Variants in SPG11 observed in about 807,000 individuals in gnomAD.
SPG11 encodes spatacsin.
A neutral mutation model predicts 274.0 loss-of-function variants in SPG11; 222 were observed. The ratio of observed to expected loss-of-function variants is 0.81; its 90% CI spans 0.73 to 0.91. The LOEUF (loss-of-function observed/expected upper bound fraction) is 0.91. SPG11 is among the 40% of genes least tolerant of loss of function. The probability of loss-of-function intolerance (pLI) is 0.00; values close to 1 mark genes in which losing one functional copy is unlikely to be tolerated. For synonymous variants in SPG11, 1,144 were observed against 1,039.7 expected (o/e 1.10, Z -1.93); for missense variants, 3,114 against 2,872.7 (o/e 1.08, Z -1.92).
intron 7 of SPG11, among the ~76,000 whole-genome samples, chr15:44,640,170 A>G (rs2084398877): frequency 6.6e-6 from 1 of 152,204 alleles, no homozygotes; most frequent in South Asian, 2.1e-4. Flanking sequence ...AGATCACATC[A>G]CTGCACTCCA....
chr15:44,645,124 T>C (rs1042364985), intron 7 of SPG11, among the ~76,000 whole-genome samples: 2 of 152,196 alleles, frequency 1.3e-5, no homozygotes, highest in African/African-American at 4.8e-5. Flanking sequence ...AGCGATCCTA[T>C]GCAAAAAGAA....
intron 4 of SPG11, among the ~76,000 whole-genome samples, chr15:44,656,111 CA>C (rs921458857): frequency 2.0e-5 from 3 of 151,902 alleles, no homozygotes; most frequent in Non-Finnish European, 4.4e-5. Context: ...CAAGGTCATC[CA>C]AGAAAAGTTG....
In SPG11 at chr15:44,565,990, G is replaced by T; in HGVS notation, c.6863C>A (p.Ala2288Asp). 1.2e-6 allele frequency: 2 copies of T among 1,613,840 alleles called. No individual in the cohort carries two copies. The highest frequency in any genetic ancestry group is 1.7e-6 in the Non-Finnish European group (2 of 1,180,026). Residue 2288 changes from alanine to aspartate, a missense_variant, in exon 38 of 40, where the codon GCC (alanine) becomes GAC (aspartate). Coordinates refer to ENST00000261866, the MANE Select transcript of SPG11 (RefSeq NM_025137.4). ...CTTGGTGAGCCGCTGACAGTGCTGG[G>T]CCTGTCGCACACAGGAGTCCTGAGG... ...SYAKDSCVRQ[A>D]QHCQRLTKLI...
intron 39 of SPG11, among the ~76,000 whole-genome samples, chr15:44,563,824 C>T (rs978099206): frequency 2.0e-5 from 3 of 152,172 alleles, no homozygotes; most frequent in Non-Finnish European, 2.9e-5. Context: ...GGGCTGTCAG[C>T]TCTGAAGTAC....
At chr15:44,566,139 G>T (rs2140914061) in intron 37 of SPG11, 78 bp downstream of exon 37, 4 of 1,593,662 alleles carry the variant, frequency 2.5e-6, no homozygotes, top group South Asian at 2.2e-5. Context: ...CACCTGGAAA[G>T]AGCCCAAGGA....
chr15:44,643,980 G>A (rs12591118), intron 7 of SPG11, among the ~76,000 whole-genome samples: 1,704 of 152,058 alleles, frequency 0.011, 47 homozygotes, highest in East Asian at 0.097. Flanking sequence ...TGGCTAACAC[G>A]GTGAAACCCT....
rs776092174 is a variant in SPG11 at position 44,651,678 on chromosome 15, T to C, written c.1269A>G (p.Glu423=). 9.3e-6 allele frequency: 15 copies of C among 1,614,190 alleles called. No individual in the cohort carries two copies. Among genetic ancestry groups the C allele is most frequent in the Non-Finnish European group, 1.2e-5 (14 of 1,180,028 alleles). The change falls in exon 6 of 40, where the codon GAA becomes GAG. Residue 423 remains glutamate (E), a synonymous_variant. Coordinates refer to ENST00000261866, the MANE Select transcript of SPG11 (RefSeq NM_025137.4). ...WKIMHISEQE[E]PIELKCVSVT... ...CAGACACACATTTAAGCTCTATGGG[T>C]TCCTCTTGTTCACTGATGTGCATTA... is the stretch of plus-strand genomic sequence containing the variant.
At position 44,651,630 on chromosome 15, in the gene SPG11, A is replaced by T; in HGVS notation, c.1317T>A (p.Phe439Leu). Residue 439 changes from phenylalanine to leucine, a missense_variant, in exon 6 of 40, where the codon TTT becomes TTA. Coordinates refer to ENST00000261866, the MANE Select transcript of SPG11 (RefSeq NM_025137.4). The stretch of plus-strand genomic sequence containing the variant: ...AGCCCATCCTTTCCACTTCCCAAGT[A>T]AACAGTGCAGTGAATCCTGTCACAG... ...CVSVTGFTAL[F>L]TWEVERMGYT... is the part of the protein sequence containing the mutation. 6.2e-7 allele frequency: 1 copy of T among 1,614,250 alleles called. No homozygotes were observed. Among genetic ancestry groups the T allele is most frequent in the Non-Finnish European group, 8.5e-7 (1 of 1,180,044 alleles).
intron 16 of SPG11, among the ~76,000 whole-genome samples, chr15:44,614,908 GCTCT>G (rs749301425): frequency 6.6e-6 from 1 of 152,148 alleles, no homozygotes; most frequent in Non-Finnish European, 1.5e-5. Flanking sequence ...CTAATGTATT[GCTCT>G]CTCTTTCTCT....
At chr15:44,610,678 G>A (rs777023925) in intron 18 of SPG11, among the ~76,000 whole-genome samples, 162 bp downstream of exon 18, 3 of 152,142 alleles carry the variant, frequency 2.0e-5, no homozygotes, top group Admixed American at 6.5e-5. Flanking sequence ...GCACCGGGCC[G>A]AGATATAAAA....
At chr15:44,640,769 T>C (rs912020911) in intron 7 of SPG11, among the ~76,000 whole-genome samples, 2 of 152,156 alleles carry the variant, frequency 1.3e-5, no homozygotes, top group African/African-American at 4.8e-5. Context: ...TCTCATTCTG[T>C]CGTCAGGCTG....
chr15:44,573,300 C>T lies in SPG11; in HGVS notation c.6205+247G>A, dbSNP rs547223691. 7.3e-5 allele frequency: 45 copies of T among 619,116 alleles called. 1 individual carries two copies. The East Asian group carries it at 1.2e-3, about 17-fold the overall frequency. 38.4% of individuals were successfully genotyped at this position (619,116 alleles called of 1,614,324 possible). On this transcript the variant is annotated intron_variant, in intron 32 of 39. Transcript: ENST00000261866. ...GCGCCCGGCCAGGACAGTTCTTTAG[C>T]TCAGAAAGCCACAGCTACTCCCAGT...
chr15:44,620,282 C>T lies in SPG11; in HGVS notation c.2742G>A (p.Gln914=). 6.2e-7 allele frequency: 1 copy of T among 1,613,988 alleles called. No homozygotes were observed. Among genetic ancestry groups the T allele is most frequent in the South Asian group, 1.1e-5 (1 of 91,080 alleles). Residue 914 remains glutamine (Q), a synonymous_variant, in exon 15 of 40, where the codon CAG becomes CAA. Transcript: ENST00000261866. ...QTQHSYASLQ[Q]NKWPLLTVDV... is the part of the protein sequence containing the mutation. ...CAACAGTCAGAAGGGGCCATTTGTT[C>T]TGCTGAAGTGAAGCATAACTATGCT...
intron 4 of SPG11, among the ~76,000 whole-genome samples, chr15:44,653,378 A>T (rs1037384230): frequency 1.3e-5 from 2 of 152,176 alleles, no homozygotes; most frequent in Non-Finnish European, 2.9e-5. Flanking sequence ...TGATGAAAAG[A>T]AGTTAGAGAA....
intron 14 of SPG11, 103 bp from the exon 15 acceptor site, chr15:44,620,506 T>C: frequency 1.2e-6 from 1 of 820,952 alleles, no homozygotes; most frequent in South Asian, 1.7e-5. Flanking sequence ...GACATAGATA[T>C]TTATACAATA....
intron 16 of SPG11, among the ~76,000 whole-genome samples, chr15:44,614,286 C>T (rs1040727993): frequency 1.3e-5 from 2 of 151,912 alleles, no homozygotes; most frequent in Non-Finnish European, 2.9e-5. Context: ...AGTGCAGTGG[C>T]GCAAACATGG....
rs569503384 is a variant in SPG11 at position 44,640,077 on chromosome 15, G to C, written c.1603-6440C>G. 2.0e-5 allele frequency among the ~76,000 whole-genome samples: 3 copies of C among 152,240 alleles called. No individual in the cohort carries two copies. In the South Asian group the frequency reaches 6.2e-4, roughly 32 times the overall value. Reference sequence around the variant, plus strand: ...TACAAAAAATTAGCCAGGCGTAGGGGCATGTGCCTGTAGTCCCAGCTACCT... The same window carrying C: ...TACAAAAAATTAGCCAGGCGTAGGGCCATGTGCCTGTAGTCCCAGCTACCT... On this transcript the variant is annotated intron_variant, in intron 7 of 39. Coordinates refer to ENST00000261866, the MANE Select transcript of SPG11 (RefSeq NM_025137.4).
At chr15:44,642,386 A>G (rs1159100712) in intron 7 of SPG11, among the ~76,000 whole-genome samples, 2 of 150,096 alleles carry the variant, frequency 1.3e-5, no homozygotes, top group Non-Finnish European at 3.0e-5. Context: ...AAAGAAAAAA[A>G]AAAGAAAGAA....
At position 44,622,742 on chromosome 15, in the gene SPG11, T is replaced by C. The variant is rs779693509; in HGVS notation, c.2302A>G (p.Ile768Val). The change falls in exon 12 of 40, where the codon ATA (isoleucine) becomes GTA (valine). Residue 768 changes from isoleucine to valine, a missense_variant. Ile to Val is a conservative substitution (Grantham distance 29). Coordinates refer to ENST00000261866, the MANE Select transcript of SPG11 (RefSeq NM_025137.4). ...CCTTTACCTACCAAAAAGTCACGTA[T>C]ATTTTTATTAGTTGTATAGAAGCAG... is the stretch of plus-strand genomic sequence containing the variant. Reference protein sequence around the residue: ...KICFYTTNKNIRDFLVEILKE... With the variant: ...KICFYTTNKNVRDFLVEILKE... 3.7e-6 allele frequency: 6 copies of C among 1,613,204 alleles called. No individual in the cohort carries two copies. The East Asian group carries it at 6.7e-5, about 18-fold the overall frequency.
Sources: gnomAD v4.1 joint callset for allele counts (sites outside exome capture counted in the v4.1 genomes callset) on GRCh38, gnomAD v4.1.1 for gene constraint, MANE v1.5 for transcripts, NCBI Gene and HGNC (gene_info 2026-07-23, HGNC 2026-07-21) for gene names.